The following CRYL1 variants were observed in gnomAD, a reference collection of about 807,000 sequenced individuals.
CRYL1 encodes the protein crystallin lambda 1, also known as lambda-crystallin homolog.
CRYL1 carries 29 observed loss-of-function variants against 36.6 expected under a neutral mutation model. The ratio of observed to expected loss-of-function variants is 0.79; its 90% CI spans 0.59 to 1.08. The LOEUF is 1.08. Ranked by LOEUF, CRYL1 falls within the 50% of genes least tolerant of loss-of-function variation. The pLI is 0.00. For missense variants in CRYL1, 411 were observed against 407.9 expected, an observed-to-expected ratio of 1.01 and a Z score of -0.06; for synonymous variants, 152 against 151.5, an observed-to-expected ratio of 1.00 and a Z score of -0.02.
chr13:20,498,489 A>G lies in CRYL1; in HGVS notation c.150-8993T>C, dbSNP rs147430217. Among the ~76,000 whole-genome samples, 688 of 152,324 alleles carry G rather than the reference A, an allele frequency of 4.5e-3. 6 individuals carry two copies. Among genetic ancestry groups the G allele is most frequent in the African/African-American group, 0.015 (627 of 41,570 alleles). On this transcript the variant is annotated intron_variant, in intron 2 of 7. Transcript: ENST00000298248. ...GTCTAGGCCCGTGTGTCGGAATAAC[A>G]GGGTTTTCTTGGAGCATTGATCTGC...
intron 4 of CRYL1, among the ~76,000 whole-genome samples, chr13:20,438,430 C>T (rs529139527): frequency 5.9e-5 from 9 of 152,306 alleles, no homozygotes; most frequent in African/African-American, 2.2e-4. Flanking sequence ...AGCACTTCCA[C>T]AACCTCACAC....
intron 3 of CRYL1, among the ~76,000 whole-genome samples, chr13:20,468,794 A>T (rs1358509361): frequency 2.0e-5 from 3 of 152,128 alleles, no homozygotes; most frequent in Admixed American, 2.0e-4. Flanking sequence ...TTTAGTAGAG[A>T]TGGGGTTTAA....
intron 3 of CRYL1, among the ~76,000 whole-genome samples, chr13:20,466,858 C>T (rs957806172): frequency 6.6e-6 from 1 of 152,138 alleles, no homozygotes; most frequent in African/African-American, 2.4e-5. Flanking sequence ...TTTATACATC[C>T]GTCAACAGGG....
At chr13:20,432,638 CT>C (rs756657954) in intron 4 of CRYL1, among the ~76,000 whole-genome samples, 1 of 152,136 alleles carries the variant, frequency 6.6e-6, no homozygotes, top group Non-Finnish European at 1.5e-5. Context: ...GTCTTCAAAG[CT>C]TCCTCCCAGC....
At chr13:20,441,024 C>T (rs537551278) in intron 3 of CRYL1, among the ~76,000 whole-genome samples, 8 of 152,288 alleles carry the variant, frequency 5.3e-5, no homozygotes. Context: ...GCAAGAGCTG[C>T]TCTGACACTT....
intron 5 of CRYL1, among the ~76,000 whole-genome samples, chr13:20,413,740 C>T (rs2031583059): frequency 6.6e-6 from 1 of 152,112 alleles, no homozygotes; most frequent in African/African-American, 2.4e-5. Context: ...ATCAGAAAAG[C>T]AAAGGTATCA....
chr13:20,478,297 T>C (rs1333909873), intron 3 of CRYL1, among the ~76,000 whole-genome samples: 2 of 152,320 alleles, frequency 1.3e-5, no homozygotes, highest in East Asian at 1.9e-4. Context: ...CTATTAGATA[T>C]GTGCTTATTT....
At chr13:20,474,195 T>C (rs920836468) in intron 3 of CRYL1, among the ~76,000 whole-genome samples, 1 of 152,174 alleles carries the variant, frequency 6.6e-6, no homozygotes, top group African/African-American at 2.4e-5. Flanking sequence ...AATCTTAAGA[T>C]GCTGACAATA....
intron 6 of CRYL1, among the ~76,000 whole-genome samples, chr13:20,409,333 T>C (rs2031460225): frequency 6.6e-6 from 1 of 151,506 alleles, no homozygotes; most frequent in Admixed American, 6.6e-5. Context: ...TCCTTACACC[T>C]TATACAAAAA....
intron 2 of CRYL1, among the ~76,000 whole-genome samples, chr13:20,507,730 A>T (rs146548298): frequency 6.6e-6 from 1 of 152,054 alleles, no homozygotes; most frequent in African/African-American, 2.4e-5. Context: ...CATCCTGGCT[A>T]ACACAGTGAA....
chr13:20,478,419 T>C (rs2033207663), intron 3 of CRYL1, among the ~76,000 whole-genome samples: 1 of 152,188 alleles, frequency 6.6e-6, no homozygotes, highest in Non-Finnish European at 1.5e-5. Flanking sequence ...TCACTTGCAC[T>C]ATAATATACC....
At chr13:20,483,046 G>A (rs528371622) in intron 3 of CRYL1, among the ~76,000 whole-genome samples, 392 of 152,212 alleles carry the variant, frequency 2.6e-3, no homozygotes, top group Non-Finnish European at 4.0e-3. Context: ...GCAGTTACCA[G>A]GAAGGGGAAG....
chr13:20,480,720 G>A (rs945393134), intron 3 of CRYL1, among the ~76,000 whole-genome samples: 28 of 152,200 alleles, frequency 1.8e-4, no homozygotes, highest in Admixed American at 9.8e-4. Context: ...CCTGCCGTTC[G>A]TGGATGCTGC....
Position 20,525,777 on chromosome 13 carries a change from G to T in CRYL1, c.18C>A (p.Ala6=), listed in dbSNP as rs781407016. MASSA[A]GCVVIVGSGV... is the part of the protein sequence containing the mutation. The stretch of plus-strand genomic sequence containing the variant: ...ACCTGCCAACGATCACCACGCAGCC[G>T]GCCGCGGAGGACGCCATGGTTGGGC... The change falls in exon 1 of 8, where the codon GCC becomes GCA. Residue 6 remains alanine (A), a synonymous_variant. Coordinates refer to ENST00000298248, the MANE Select transcript of CRYL1 (RefSeq NM_015974.3). The surrounding 1 kb of genome is among the most constrained non-coding windows in gnomAD (Gnocchi z 4.3). The T allele has an allele frequency of 1.6e-6, 2 of 1,289,746 alleles. No individual in the cohort carries two copies. The highest frequency in any genetic ancestry group is 2.0e-6 in the Non-Finnish European group (2 of 1,017,362). 79.9% of individuals were successfully genotyped at this position (1,289,746 alleles called of 1,614,324 possible).
rs750276767 is a variant in CRYL1 at position 20,413,392 on chromosome 13, G to A, written c.634-5C>T. The A allele has an allele frequency of 2.1e-5, 34 of 1,590,800 alleles. No individual in the cohort carries two copies. The highest frequency in any genetic ancestry group is 1.1e-4 in the East Asian group (5 of 44,754). On this transcript the variant is annotated splice_polypyrimidine_tract_variant and splice_region_variant and intron_variant, in intron 5 of 7. Transcript: ENST00000298248. ...ACTAGGAGACACGATTCCTTCCTACGTGGAGAAATTGGGCGGCATAGATGA... is the reference window on the plus strand; with the variant it reads ...ACTAGGAGACACGATTCCTTCCTACATGGAGAAATTGGGCGGCATAGATGA...
intron 3 of CRYL1, among the ~76,000 whole-genome samples, chr13:20,485,685 T>TAGAAAAGAAA (rs11270599): frequency 0.017 from 2,481 of 149,112 alleles, 37 homozygotes; most frequent in African/African-American, 0.033. Flanking sequence ...AAAAGAAAGA[T>TAGAAAAGAAA]AGAAAAGAAA....
intron 5 of CRYL1, chr13:20,430,917 T>G (rs1411228658): frequency 2.0e-6 from 2 of 985,298 alleles, no homozygotes; most frequent in Non-Finnish European, 2.4e-6. Context: ...CTGACTGATA[T>G]TCAAGAAATT....
chr13:20,520,615 C>T lies in CRYL1; in HGVS notation c.41+5139G>A, dbSNP rs138968522. On this transcript the variant is annotated intron_variant, in intron 1 of 7. Coordinates refer to ENST00000298248, the MANE Select transcript of CRYL1 (RefSeq NM_015974.3). ...GATTGGCCCCTTCATTGCAGAGGACCAACAGCAGACCGCTGACCCCTGGGG... is the reference window on the plus strand; with the variant it reads ...GATTGGCCCCTTCATTGCAGAGGACTAACAGCAGACCGCTGACCCCTGGGG... Among the ~76,000 whole-genome samples the T allele has an allele frequency of 6.7e-4, 102 of 152,148 alleles. 1 individual carries two copies. Among genetic ancestry groups the T allele is most frequent in the African/African-American group, 2.3e-3 (97 of 41,434 alleles).
Position 20,433,732 on chromosome 13 carries a change from G to A in CRYL1, c.439-1436C>T, listed in dbSNP as rs1285050762. 3.2e-5 allele frequency: 5 copies of A among 154,426 alleles called. No individual in the cohort carries two copies. The Admixed American group carries it at 3.3e-4, about 10-fold the overall frequency. 9.6% of individuals were successfully genotyped at this position (154,426 alleles called of 1,614,324 possible). On this transcript the variant is annotated intron_variant, in intron 4 of 7. Coordinates refer to ENST00000298248, the MANE Select transcript of CRYL1 (RefSeq NM_015974.3). ...ACCTTATTTTATATAAAGCAGGCAT[G>A]CTGGGATTGGGGTCTTTCAAACATT...
Sources: allele counts gnomAD v4.1 joint callset (sites outside exome capture counted in the v4.1 genomes callset), GRCh38; gene constraint gnomAD v4.1.1; non-coding constraint Gnocchi (gnomAD v3.1); transcripts MANE v1.5; gene names NCBI Gene and HGNC (gene_info 2026-07-23, HGNC 2026-07-21).